Variants in PCM1 observed in about 807,000 individuals in gnomAD.
PCM1 encodes pericentriolar material 1 protein.
Under a neutral mutation model 241.9 loss-of-function variants are expected in PCM1, and 157 were observed. That is an observed-to-expected ratio of 0.65 (90% CI 0.57 to 0.74). The LOEUF is 0.74. PCM1 is among the 30% of genes least tolerant of loss of function. The probability of loss-of-function intolerance (pLI) is 0.00; values close to 1 mark genes in which losing one functional copy is unlikely to be tolerated. For synonymous variants in PCM1, 1,085 were observed against 784.9 expected (o/e 1.38, Z -6.39); for missense variants, 3,478 against 2,360.1 (o/e 1.47, Z -9.81).
At chr8:18,001,264 T>TG (rs2089320243) in intron 29 of PCM1, among the ~76,000 whole-genome samples, 1 of 152,242 alleles carries the variant, frequency 6.6e-6, no homozygotes, top group African/African-American at 2.4e-5. Flanking sequence ...TAAATATTTG[T>TG]GTTTATTCTG....
At chr8:17,940,734 G>A (rs436506) in intron 6 of PCM1, among the ~76,000 whole-genome samples, 119,048 of 152,082 alleles carry the variant, frequency 0.78, 47,112 homozygotes, top group African/African-American at 0.86. Context: ...TGGCAAAATG[G>A]AATTTGTTGA....
rs117049800 is a variant in PCM1, at chr8:18,003,473, T to C, written c.4828-2790T>C. ...AGAATGACCTTCTCCTCTTTCTCTG[T>C]CAGTTTCTCCTGTTTTTCAGGAGCC... On this transcript the variant is annotated intron_variant, in intron 29 of 38. Transcript: ENST00000325083. Among the ~76,000 whole-genome samples, 61 of 152,348 alleles carry C rather than the reference T, an allele frequency of 4.0e-4. 2 individuals carry two copies. In the East Asian group the frequency reaches 0.011, roughly 27 times the overall value.
At chr8:17,938,684 C>G (rs2061151351) in intron 4 of PCM1, 56 bp from the exon 5 acceptor site, 1 of 1,420,748 alleles carries the variant, frequency 7.0e-7, no homozygotes, top group South Asian at 1.2e-5. Flanking sequence ...GGGGTTAAAA[C>G]AAAATTTTGT....
intron 6 of PCM1, 84 bp from the exon 7 acceptor site, chr8:17,947,102 A>C: frequency 1.3e-6 from 1 of 741,610 alleles, no homozygotes; most frequent in South Asian, 2.1e-5. Flanking sequence ...TTTGTTATCA[A>C]TGTGTATACT....
intron 36 of PCM1, among the ~76,000 whole-genome samples, chr8:18,021,124 G>C (rs1383189823): frequency 2.6e-5 from 4 of 152,124 alleles, no homozygotes; most frequent in Non-Finnish European, 5.9e-5. Flanking sequence ...CACTTGAGTT[G>C]AAACAACAAA....
intron 36 of PCM1, among the ~76,000 whole-genome samples, chr8:18,021,006 C>T (rs552526305): frequency 1.4e-4 from 22 of 152,274 alleles, no homozygotes; most frequent in Non-Finnish European, 3.2e-4. Flanking sequence ...CATGTGTGGA[C>T]TTTTATGGCC....
chr8:17,989,376 A>G (rs1285216771), intron 26 of PCM1, among the ~76,000 whole-genome samples: 2 of 152,040 alleles, frequency 1.3e-5, no homozygotes, highest in South Asian at 2.1e-4. Flanking sequence ...ACATTTGTCA[A>G]AACTCATCAA....
Position 17,938,983 on chromosome 8 carries a change from G to A in PCM1, c.586G>A (p.Gly196Arg). The A allele has an allele frequency of 6.2e-7, 1 of 1,613,674 alleles. No homozygotes were observed. Among genetic ancestry groups the A allele is most frequent in the Non-Finnish European group, 8.5e-7 (1 of 1,179,644 alleles). ...TCAGGTGTCTGAAGAAGATGGGAGG[G>A]GAGAACCTGCAATGGAGAGCAGCCA... is the stretch of plus-strand genomic sequence containing the variant. ...NCQVSEEDGR[G>R]EPAMESSQIV... The change falls in exon 5 of 39, where the codon GGA becomes AGA. Residue 196 changes from glycine to arginine, a missense_variant. Transcript: ENST00000325083.
chr8:17,939,998 C>T (rs1453415157), intron 6 of PCM1, 137 bp downstream of exon 6: 1 of 1,312,796 alleles, frequency 7.6e-7, no homozygotes, highest in Non-Finnish European at 1.1e-6. Context: ...CAATTTATTG[C>T]CCATTTTAAT....
At chr8:17,927,008 T>C (rs1380979597) in intron 2 of PCM1, 1 of 152,136 alleles carries the variant, frequency 6.6e-6, no homozygotes, top group Non-Finnish European at 1.5e-5. Flanking sequence ...AGTGAAACCA[T>C]GCGCCAGTTA....
At chr8:17,954,045 A>T (rs980739800) in intron 9 of PCM1, among the ~76,000 whole-genome samples, 7 of 152,212 alleles carry the variant, frequency 4.6e-5, no homozygotes, top group Admixed American at 4.6e-4. Flanking sequence ...GTCCTAAAAC[A>T]TACTCCTTTC....
chr8:17,998,547 A>G (rs542644775), intron 29 of PCM1, among the ~76,000 whole-genome samples: 1 of 152,280 alleles, frequency 6.6e-6, no homozygotes, highest in South Asian at 2.1e-4. Context: ...CTGGAGCTGG[A>G]TGGAGATGGG....
chr8:17,991,811 G>C (rs1277749058), intron 28 of PCM1, 111 bp downstream of exon 28: 1 of 714,646 alleles, frequency 1.4e-6, no homozygotes, highest in East Asian at 2.7e-5. Flanking sequence ...CGCCTGAGCA[G>C]TATACACTGT....
At chr8:17,942,378 A>C (rs969170443) in intron 6 of PCM1, among the ~76,000 whole-genome samples, 1 of 150,770 alleles carries the variant, frequency 6.6e-6, no homozygotes, top group Admixed American at 6.6e-5. Flanking sequence ...GAGGCAGGAG[A>C]ATCGCTTCAA....
chr8:17,964,469 T>C, intron 17 of PCM1, 99 bp from the exon 18 acceptor site: 1 of 810,606 alleles, frequency 1.2e-6, no homozygotes, highest in South Asian at 2.0e-5. Context: ...TATACAGACA[T>C]GTATATGTAT....
intron 24 of PCM1, among the ~76,000 whole-genome samples, chr8:17,985,100 CTTAGCTTAT>C (rs2082173823): frequency 6.6e-6 from 1 of 151,844 alleles, no homozygotes; most frequent in African/African-American, 2.4e-5. Context: ...GAAATTAGCA[CTTAGCTTAT>C]TTCTAAGTGT....
In PCM1 at chr8:18,010,656, T is replaced by C; in HGVS notation, c.5208T>C (p.Asp1736=). 3 of 1,601,254 alleles carry C rather than the reference T, an allele frequency of 1.9e-6. No individual in the cohort carries two copies. The highest frequency in any genetic ancestry group is 2.3e-5 in the East Asian group (1 of 43,986). ...ATGGCTCACCTGCTGGAGAGATTGA[T>C]GATGAAGACAAAGTATGTGCTAATT... The part of the protein sequence containing the change: ...EDHGSPAGEI[D]DEDKDKDETE... The change falls in exon 32 of 39, where the codon GAT becomes GAC. Residue 1736 remains aspartate, a synonymous_variant. Coordinates refer to ENST00000325083, the MANE Select transcript of PCM1 (RefSeq NM_006197.4).
intron 35 of PCM1, 80 bp downstream of exon 35, chr8:18,014,116 C>T: frequency 2.7e-6 from 2 of 754,582 alleles, no homozygotes; most frequent in South Asian, 1.8e-5. Flanking sequence ...AAAAAACACA[C>T]ACAGAAAACA....
rs2094130783 is a variant in PCM1, at chr8:18,025,539, C to T, written c.5935-5C>T. ...TGATTTGTATTTTTAATTTTCATTC[C>T]AAAGGCAGATCTAAGAAAGAAAATG... On this transcript the variant is annotated splice_polypyrimidine_tract_variant and splice_region_variant and intron_variant, in intron 37 of 38. Transcript: ENST00000325083. 6.4e-7 allele frequency: 1 copy of T among 1,556,238 alleles called. No homozygotes were observed. The highest frequency in any genetic ancestry group is 1.4e-5 in the African/African-American group (1 of 72,962).
Sources: gnomAD v4.1 joint callset for allele counts (sites outside exome capture counted in the v4.1 genomes callset) on GRCh38, gnomAD v4.1.1 for gene constraint, MANE v1.5 for transcripts, NCBI Gene and HGNC (gene_info 2026-07-23, HGNC 2026-07-21) for gene names.